The following STARD10 variants were observed in gnomAD, a reference collection of about 807,000 sequenced individuals.
STARD10 encodes the protein START domain-containing protein 10.
STARD10 carries 24 observed loss-of-function variants against 36.0 expected under a neutral mutation model. The ratio of observed to expected loss-of-function variants is 0.67; its 90% confidence interval spans 0.48 to 0.94. The LOEUF is 0.94. Ranked by LOEUF, STARD10 falls within the 40% of genes least tolerant of loss-of-function variation. STARD10 has a pLI of 0.00. For missense variants in STARD10, 335 were observed against 396.6 expected, an observed-to-expected ratio of 0.84 and a Z score of 1.32; for synonymous variants, 156 against 161.9, an observed-to-expected ratio of 0.96 and a Z score of 0.28.
chr11:72,789,134 A>G (rs375482211), intron 1 of STARD10, among the ~76,000 whole-genome samples: 16 of 152,222 alleles, frequency 1.1e-4, no homozygotes, highest in African/African-American at 3.6e-4. Context: ...GGTGTGAGCC[A>G]TTGTGTCTGG....
At chr11:72,782,342 G>C (rs1859015578) in intron 1 of STARD10, 1 of 151,458 alleles carries the variant, frequency 6.6e-6, no homozygotes, top group Admixed American at 6.6e-5. Context: ...GGCACACCAA[G>C]CCTACACACA....
chr11:72,780,793 T>C, intron 2 of STARD10, 182 bp downstream of exon 2: 2 of 642,660 alleles, frequency 3.1e-6, no homozygotes, highest in Non-Finnish European at 5.5e-6. Flanking sequence ...CAGGCCTCGG[T>C]TGGCCCATCT....
chr11:72,758,771 C>A (rs1019592614), intron 3 of STARD10, 138 bp from the exon 4 acceptor site: 2 of 629,620 alleles, frequency 3.2e-6, no homozygotes, highest in Non-Finnish European at 5.6e-6. Flanking sequence ...CCTCCCAGAC[C>A]ACAGTCCCAC....
intron 1 of STARD10, among the ~76,000 whole-genome samples, chr11:72,783,218 G>T (rs996282502): frequency 6.6e-6 from 1 of 152,196 alleles, no homozygotes; most frequent in African/African-American, 2.4e-5. Flanking sequence ...ATGAGTGGGG[G>T]TGAGCGGGGA....
intron 2 of STARD10, among the ~76,000 whole-genome samples, chr11:72,763,596 A>G (rs915458493): frequency 7.2e-5 from 11 of 152,278 alleles, no homozygotes; most frequent in African/African-American, 2.6e-4. Context: ...CTCATTTTAT[A>G]AAATAATTGG....
At chr11:72,792,521 A>G (rs1299111345) in intron 1 of STARD10, among the ~76,000 whole-genome samples, 1 of 151,586 alleles carries the variant, frequency 6.6e-6, no homozygotes, top group African/African-American at 2.4e-5. Flanking sequence ...TCAGCTGCAT[A>G]CAGCCCAGCT....
chr11:72,755,301 CCATT>C (rs1858628466), intron 6 of STARD10, 159 bp from the exon 7 acceptor site: 4 of 627,436 alleles, frequency 6.4e-6, no homozygotes, highest in Non-Finnish European at 9.9e-6. Flanking sequence ...GCTCCATTCT[CCATT>C]CTTTTTTTTT....
chr11:72,774,438 C>T (rs183940416), intron 2 of STARD10, among the ~76,000 whole-genome samples: 28 of 152,320 alleles, frequency 1.8e-4, no homozygotes, highest in African/African-American at 6.0e-4. Context: ...TCTTTAAAGA[C>T]AGGTGAAAGG....
At chr11:72,773,098 C>T (rs915101713) in intron 2 of STARD10, among the ~76,000 whole-genome samples, 3 of 152,108 alleles carry the variant, frequency 2.0e-5, no homozygotes, top group Non-Finnish European at 2.9e-5. Flanking sequence ...AATAAACAAC[C>T]GGGACAGGAA....
chr11:72,767,904 A>G lies in STARD10; in HGVS notation c.208-8523T>C, dbSNP rs553058471. Among the ~76,000 whole-genome samples, 290 of 151,976 alleles carry G rather than the reference A, an allele frequency of 1.9e-3. 1 individual carries two copies. Among genetic ancestry groups the G allele is most frequent in the African/African-American group, 6.4e-3 (264 of 41,446 alleles). Reference sequence around the variant, plus strand: ...GGATTAGATGAGATTGGTCCCTAAAACCCTTGGCAGTAGCTGCCCCTCCTC... The same window carrying G: ...GGATTAGATGAGATTGGTCCCTAAAGCCCTTGGCAGTAGCTGCCCCTCCTC... On this transcript the variant is annotated intron_variant, in intron 2 of 6. Transcript: ENST00000334805.
intron 6 of STARD10, chr11:72,755,399 C>T (rs1858630894): frequency 1.8e-6 from 1 of 570,486 alleles, no homozygotes; most frequent in Non-Finnish European, 3.1e-6. Flanking sequence ...CAACCTCTGC[C>T]TTCCAGGTTC....
At chr11:72,791,070 T>A (rs1859137412) in intron 1 of STARD10, among the ~76,000 whole-genome samples, 1 of 152,250 alleles carries the variant, frequency 6.6e-6, no homozygotes, top group South Asian at 2.1e-4. Flanking sequence ...TTAACTCATT[T>A]AATTTATAGG....
In STARD10 at chr11:72,757,980, C is replaced by G. The variant is rs560956089; in HGVS notation, c.460-96G>C. The G allele has an allele frequency of 8.7e-6, 9 of 1,034,118 alleles. No homozygotes were observed. The East Asian group carries it at 2.1e-4, about 25-fold the overall frequency. 64.1% of individuals were successfully genotyped at this position (1,034,118 alleles called of 1,614,324 possible). A position where few individuals can be genotyped will look rare whatever the true frequency, so the allele number is the denominator to read the frequency against. ...AAACGCGCACGCGCACACACACATA[C>G]AGTTAATTCACATGCCGTGACATCT... On this transcript the variant is annotated intron_variant, in intron 4 of 6. Transcript: ENST00000334805.
intron 1 of STARD10, among the ~76,000 whole-genome samples, chr11:72,786,411 C>G (rs1457442597): frequency 1.3e-5 from 2 of 152,140 alleles, no homozygotes; most frequent in African/African-American, 4.8e-5. Context: ...GCCCCCAGGG[C>G]TGGCTCGGCC....
chr11:72,754,742 T>G lies in STARD10; in HGVS notation c.*155A>C. On this transcript the variant is annotated 3_prime_UTR_variant, in exon 7 of 7. Transcript: ENST00000334805. ...TGATGAGCCGGCTGAGGCTGTGGGA[T>G]CGTTTATTGGGGCTCTGTCCAGCCA... 1 of 1,147,062 alleles carries G rather than the reference T, an allele frequency of 8.7e-7. No individual in the cohort carries two copies. The highest frequency in any genetic ancestry group is 1.3e-6 in the Non-Finnish European group (1 of 799,256). 71.1% of individuals were successfully genotyped at this position (1,147,062 alleles called of 1,614,324 possible).
intron 2 of STARD10, among the ~76,000 whole-genome samples, chr11:72,770,446 G>A (rs1217581211): frequency 6.6e-6 from 1 of 152,154 alleles, no homozygotes; most frequent in Non-Finnish European, 1.5e-5. Context: ...TCAAACTCCT[G>A]GCCTCAAGTG....
rs181973709 is a variant in STARD10 at position 72,787,184 on chromosome 11, C to G, written c.-114+5691G>C. 3.8e-3 allele frequency among the ~76,000 whole-genome samples: 578 copies of G among 152,144 alleles called. 1 individual carries two copies. Among genetic ancestry groups the G allele is most frequent in the Non-Finnish European group, 5.6e-3 (378 of 68,002 alleles). ...CACCACTAAGTAAGCAGTTTCAACC[C>G]AGATGGCCTGGCCAAGCCATTATAC... On this transcript the variant is annotated intron_variant, in intron 1 of 6. Coordinates refer to ENST00000334805, the MANE Select transcript of STARD10 (RefSeq NM_006645.3).
At chr11:72,760,217 TTTCATTCA>T (rs562315770) in intron 2 of STARD10, among the ~76,000 whole-genome samples, 2 of 150,844 alleles carry the variant, frequency 1.3e-5, no homozygotes, top group East Asian at 3.9e-4. Flanking sequence ...TCTTTCTTTT[TTTCATTCA>T]TTCATTCATT....
chr11:72,755,619 C>T (rs1199970584), intron 6 of STARD10, 82 bp downstream of exon 6: 2 of 1,531,878 alleles, frequency 1.3e-6, no homozygotes, highest in South Asian at 2.2e-5. Flanking sequence ...CCCTCAGGCT[C>T]CAGGCTTGAC....
Sources: allele counts gnomAD v4.1 joint callset (sites outside exome capture counted in the v4.1 genomes callset), GRCh38; gene constraint gnomAD v4.1.1; transcripts MANE v1.5; gene names NCBI Gene and HGNC (gene_info 2026-07-23, HGNC 2026-07-21).